ZFHX3: variants seen among roughly 807,000 people sequenced by gnomAD.
ZFHX3 encodes the protein zinc finger homeobox 3.
A neutral mutation model predicts 279.1 loss-of-function variants in ZFHX3; 42 were observed. The observed-to-expected ratio is 0.15, with a 90% CI of 0.12 to 0.19. ZFHX3 has a LOEUF of 0.19. Among genes scored for constraint, ZFHX3 ranks in the 10% least tolerant of loss-of-function variants. The pLI is 1.00. For synonymous variants in ZFHX3, 2,293 were observed against 1,957.8 expected, an observed-to-expected ratio of 1.17 and a Z score of -4.52; for missense variants, 4,981 against 4,754.0, an observed-to-expected ratio of 1.05 and a Z score of -1.40.
chr16:73,316,823 G>A (rs940150672), intron 4 of ZFHX3, among the ~76,000 whole-genome samples: 14 of 152,298 alleles, frequency 9.2e-5, no homozygotes, highest in South Asian at 4.1e-4. Context: ...AGAAAAATCC[G>A]GATATGGTGG....
intron 3 of ZFHX3, among the ~76,000 whole-genome samples, chr16:73,333,461 G>A (rs1567453093): frequency 6.6e-6 from 1 of 152,144 alleles, no homozygotes; most frequent in Non-Finnish European, 1.5e-5. Context: ...TAGACACATA[G>A]ATAAACAGAC....
chr16:72,960,646 G>T (rs761624919), intron 1 of ZFHX3, among the ~76,000 whole-genome samples: 11 of 152,162 alleles, frequency 7.2e-5, no homozygotes, highest in Non-Finnish European at 1.6e-4. Context: ...GTGGGTCAGG[G>T]GAACACAGGG....
At chr16:73,675,415 T>A (rs765406112) in intron 2 of ZFHX3, among the ~76,000 whole-genome samples, 6 of 152,122 alleles carry the variant, frequency 3.9e-5, no homozygotes, top group Non-Finnish European at 8.8e-5. Context: ...ATGGGGTTTA[T>A]CTTACATTCA....
chr16:73,579,509 T>G (rs183069845), intron 2 of ZFHX3, among the ~76,000 whole-genome samples: 4 of 150,870 alleles, frequency 2.7e-5, no homozygotes, highest in African/African-American at 7.2e-5. Flanking sequence ...TTATAATCTT[T>G]TTTTTTTTTT....
intron 1 of ZFHX3, among the ~76,000 whole-genome samples, chr16:73,045,674 A>G (rs1004631860): frequency 1.5e-5 from 2 of 134,224 alleles, no homozygotes; most frequent in Non-Finnish European, 3.1e-5. Context: ...TATTATTATT[A>G]TTATTATTAT....
chr16:72,879,143 C>G (rs189323372), intron 4 of ZFHX3, among the ~76,000 whole-genome samples: 2 of 152,312 alleles, frequency 1.3e-5, no homozygotes, highest in East Asian at 3.9e-4. Flanking sequence ...TAACAATATA[C>G]ACACTGGGAT....
In ZFHX3 at chr16:73,651,758, C is replaced by T. The variant is rs1300877126; in HGVS notation, c.-1547+28422G>A. Among the ~76,000 whole-genome samples, 8 of 141,976 alleles carry T rather than the reference C, an allele frequency of 5.6e-5. No individual in the cohort carries two copies. In the Admixed American group the frequency reaches 5.7e-4, roughly 10 times the overall value. The allele number at this position is 141,976 out of a possible 152,430, so 93.1% of individuals were successfully genotyped here. ...TAGTCCCAGCTACTCGGGAGGCTGA[C>T]TCAGGAGAATGGCATGAACCCGGAA... On this transcript the variant is annotated intron_variant, in intron 2 of 17. Coordinates refer to the ZFHX3 transcript ENST00000641206.
chr16:73,022,223 A>C (rs563948922), intron 1 of ZFHX3, among the ~76,000 whole-genome samples: 1 of 152,296 alleles, frequency 6.6e-6, no homozygotes, highest in East Asian at 1.9e-4. Flanking sequence ...TGTCTGGCAC[A>C]CATGGGACTC....
intron 1 of ZFHX3, among the ~76,000 whole-genome samples, chr16:73,713,928 T>C (rs1292715219): frequency 1.3e-5 from 2 of 152,124 alleles, no homozygotes; most frequent in African/African-American, 4.8e-5. Flanking sequence ...TTCACAGCCT[T>C]GTTTAGAAGG....
intron 5 of ZFHX3, among the ~76,000 whole-genome samples, chr16:73,154,052 G>A (rs140231764): frequency 2.0e-5 from 3 of 152,102 alleles, no homozygotes; most frequent in African/African-American, 7.2e-5. Context: ...AGAGATTCTG[G>A]CTGTCAACGT....
chr16:73,816,867 G>A (rs56292303), intron 1 of ZFHX3, among the ~76,000 whole-genome samples: 5,068 of 152,214 alleles, frequency 0.033, 250 homozygotes, highest in African/African-American at 0.11. Flanking sequence ...GTGGACAGTC[G>A]GCCATTAGTG....
intron 1 of ZFHX3, among the ~76,000 whole-genome samples, chr16:73,778,156 G>T (rs554838430): frequency 7.0e-6 from 1 of 142,754 alleles, no homozygotes. Flanking sequence ...AAGAGAAATG[G>T]CTATACCAAT....
intron 1 of ZFHX3, among the ~76,000 whole-genome samples, chr16:72,968,949 T>C (rs1961977063): frequency 6.6e-6 from 1 of 152,164 alleles, no homozygotes; most frequent in Admixed American, 6.5e-5. Context: ...CACATACACA[T>C]ATATACACAC....
chr16:73,197,789 C>G (rs1968181668), intron 5 of ZFHX3, among the ~76,000 whole-genome samples: 1 of 152,060 alleles, frequency 6.6e-6, no homozygotes, highest in South Asian at 2.1e-4. Flanking sequence ...GCCGTTGGTT[C>G]AAATCCCAGT....
At chr16:73,777,795 C>T (rs1277651966) in intron 1 of ZFHX3, among the ~76,000 whole-genome samples, 1 of 152,158 alleles carries the variant, frequency 6.6e-6, no homozygotes, top group Non-Finnish European at 1.5e-5. Context: ...GAAAGTGAGG[C>T]TCAGGCAGGT....
intron 4 of ZFHX3, among the ~76,000 whole-genome samples, chr16:72,845,195 G>A (rs560056655): frequency 5.9e-5 from 9 of 152,078 alleles, no homozygotes; most frequent in East Asian, 5.8e-4. Flanking sequence ...CTCCCCCTGC[G>A]CCCAGTGCTT....
chr16:73,056,519 T>A (rs1965560744), intron 1 of ZFHX3, among the ~76,000 whole-genome samples: 1 of 151,840 alleles, frequency 6.6e-6, no homozygotes, highest in African/African-American at 2.4e-5. Flanking sequence ...ACTTTGGGGG[T>A]TCAGCTCCTG....
At chr16:72,977,457 C>A (rs1962398658) in intron 1 of ZFHX3, among the ~76,000 whole-genome samples, 1 of 152,138 alleles carries the variant, frequency 6.6e-6, no homozygotes, top group South Asian at 2.1e-4. Flanking sequence ...AGAGGGGAGT[C>A]TTATTCTTAA....
chr16:72,886,858 C>T (rs766257097), intron 4 of ZFHX3, among the ~76,000 whole-genome samples: 4 of 152,196 alleles, frequency 2.6e-5, no homozygotes, highest in Non-Finnish European at 5.9e-5. Flanking sequence ...GGCCCATCCT[C>T]GTCCCTTACT....
Sources: allele counts gnomAD v4.1 joint callset (sites outside exome capture counted in the v4.1 genomes callset), GRCh38; gene constraint gnomAD v4.1.1; transcripts MANE v1.5; gene names NCBI Gene and HGNC (gene_info 2026-07-23, HGNC 2026-07-21).